WNT3: variants seen among roughly 807,000 people sequenced by gnomAD.
WNT3 encodes Wnt family member 3, also known as proto-oncogene Wnt-3.
A neutral mutation model predicts 34.2 loss-of-function variants in WNT3; 7 were observed. The observed-to-expected ratio is 0.20, with a 90% CI of 0.12 to 0.38. The LOEUF is 0.38. WNT3 is among the 10% of genes least tolerant of loss of function. The pLI is 1.00. For synonymous variants in WNT3, 212 were observed against 211.5 expected (o/e 1.00, Z -0.02); for missense variants, 267 against 499.8 (o/e 0.53, Z 4.44).
chr17:46,808,084 G>GA (rs1428315551), intron 1 of WNT3, among the ~76,000 whole-genome samples: 1 of 152,200 alleles, frequency 6.6e-6, no homozygotes, highest in African/African-American at 2.4e-5. Flanking sequence ...TAAGTAGAAG[G>GA]AAAGAGCTTA....
intron 1 of WNT3, among the ~76,000 whole-genome samples, chr17:46,812,304 T>C (rs2084286741): frequency 6.6e-6 from 1 of 152,134 alleles, no homozygotes; most frequent in Non-Finnish European, 1.5e-5. Context: ...GTCTGGCCCC[T>C]GCTGCCTCCC....
chr17:46,775,909 G>A (rs930859338), intron 1 of WNT3, among the ~76,000 whole-genome samples: 4 of 152,140 alleles, frequency 2.6e-5, no homozygotes, highest in African/African-American at 4.8e-5. Flanking sequence ...CACCACGCCC[G>A]GCCCAGAAGT....
At chr17:46,766,603 C>T (rs912244706) in intron 4 of WNT3, among the ~76,000 whole-genome samples, 1 of 152,074 alleles carries the variant, frequency 6.6e-6, no homozygotes. Flanking sequence ...TGGACTGTCC[C>T]CACCAGGACA....
chr17:46,786,418 A>T (rs1268768280), intron 1 of WNT3, among the ~76,000 whole-genome samples: 2 of 152,212 alleles, frequency 1.3e-5, no homozygotes, highest in African/African-American at 2.4e-5. Context: ...CAGGGGATTC[A>T]CAGGGAAGGG....
chr17:46,799,926 C>T (rs925459084), intron 1 of WNT3, among the ~76,000 whole-genome samples: 2 of 152,146 alleles, frequency 1.3e-5, no homozygotes, highest in African/African-American at 4.8e-5. Context: ...GTCACAGAGC[C>T]TACCCTCTTT....
chr17:46,809,481 C>G (rs1224598352), intron 1 of WNT3, among the ~76,000 whole-genome samples: 1 of 152,206 alleles, frequency 6.6e-6, no homozygotes, highest in African/African-American at 2.4e-5. Flanking sequence ...CCAACACACA[C>G]GTACACACAC....
At chr17:46,788,006 A>G (rs2059526556) in intron 1 of WNT3, among the ~76,000 whole-genome samples, 1 of 150,934 alleles carries the variant, frequency 6.6e-6, no homozygotes, top group African/African-American at 2.4e-5. Context: ...CAGTGACCCC[A>G]CCTCAGTGCA....
chr17:46,798,588 T>C (rs2084083422), intron 1 of WNT3, among the ~76,000 whole-genome samples: 1 of 152,202 alleles, frequency 6.6e-6, no homozygotes, highest in Non-Finnish European at 1.5e-5. Flanking sequence ...AAAGGTTGGA[T>C]GCACACAGTG....
intron 1 of WNT3, among the ~76,000 whole-genome samples, chr17:46,810,004 C>CTTTTT (rs11292601): frequency 4.2e-4 from 53 of 126,344 alleles, no homozygotes; most frequent in Non-Finnish European, 6.1e-4. Context: ...TTCTTTCTTT[C>CTTTTT]TTTTTTTTTT....
chr17:46,772,586 A>G (rs1346075366), intron 2 of WNT3, among the ~76,000 whole-genome samples: 2 of 152,264 alleles, frequency 1.3e-5, no homozygotes, highest in East Asian at 3.8e-4. Flanking sequence ...TTTTATGTCA[A>G]CAAGGAATAA....
intron 1 of WNT3, among the ~76,000 whole-genome samples, chr17:46,818,187 C>A (rs1434713418): frequency 6.6e-6 from 1 of 151,998 alleles, no homozygotes; most frequent in African/African-American, 2.4e-5. Flanking sequence ...TTCCAGAAAC[C>A]CAACTGCAAG....
chr17:46,804,053 TCTC>T (rs2084161023), intron 1 of WNT3, among the ~76,000 whole-genome samples: 2 of 151,964 alleles, frequency 1.3e-5, no homozygotes, highest in African/African-American at 4.8e-5. Flanking sequence ...ATATTTGTCT[TCTC>T]CTTGACCTTG....
chr17:46,794,137 CA>C (rs2146429732), intron 1 of WNT3, among the ~76,000 whole-genome samples: 1 of 151,348 alleles, frequency 6.6e-6, no homozygotes, highest in Non-Finnish European at 1.5e-5. Context: ...TGGGGGAGAG[CA>C]AGTGAAGGAG....
chr17:46,816,475 G>GCACACA lies in WNT3; in HGVS notation c.80+2037_80+2042dup, dbSNP rs113581876. 6.7e-3 allele frequency among the ~76,000 whole-genome samples: 967 copies of GCACACA among 144,320 alleles called. 8 individuals carry two copies. The highest frequency in any genetic ancestry group is 0.018 in the East Asian group (84 of 4,666). The allele number at this position is 144,320 out of a possible 152,430, so 94.7% of individuals were successfully genotyped here. A position where few individuals can be genotyped will look rare whatever the true frequency, so the allele number is the denominator to read the frequency against. On this transcript the variant is annotated intron_variant, in intron 1 of 4. Transcript: ENST00000225512. Reference sequence around the variant, plus strand: ...TTAGGGTCATAGACCCAGAACACACGCACACACACACACACACACACACAC... The same window carrying GCACACA: ...TTAGGGTCATAGACCCAGAACACACGCACACACACACACACACACACACACACACAC...
chr17:46,782,397 G>C (rs1335543622), intron 1 of WNT3, among the ~76,000 whole-genome samples: 1 of 152,152 alleles, frequency 6.6e-6, no homozygotes, highest in African/African-American at 2.4e-5. Flanking sequence ...CCCACAACAG[G>C]CCAGGGCCAG....
intron 1 of WNT3, among the ~76,000 whole-genome samples, chr17:46,809,256 G>A (rs1265913237): frequency 1.3e-5 from 2 of 152,212 alleles, no homozygotes; most frequent in Non-Finnish European, 2.9e-5. Flanking sequence ...TCCACCTTGT[G>A]AAGATGATTG....
chr17:46,769,328 A>G (rs1047574567), intron 3 of WNT3, among the ~76,000 whole-genome samples: 38 of 152,116 alleles, frequency 2.5e-4, no homozygotes, highest in Non-Finnish European at 4.0e-4. Context: ...AAAAAAAAAA[A>G]AAAAGAAAAG....
At chr17:46,801,794 T>G (rs576649684) in intron 1 of WNT3, among the ~76,000 whole-genome samples, 10 of 152,260 alleles carry the variant, frequency 6.6e-5, no homozygotes, top group African/African-American at 2.4e-4. Context: ...AGTGCCACTG[T>G]GGGTCTGCCA....
At chr17:46,769,137 C>G (rs953314922) in intron 3 of WNT3, among the ~76,000 whole-genome samples, 3 of 151,836 alleles carry the variant, frequency 2.0e-5, no homozygotes, top group Non-Finnish European at 4.4e-5. Context: ...GCCAACATGG[C>G]GAAACCCCGT....
Sources: gnomAD v4.1 joint callset for allele counts (sites outside exome capture counted in the v4.1 genomes callset) on GRCh38, gnomAD v4.1.1 for gene constraint, MANE v1.5 for transcripts, NCBI Gene and HGNC (gene_info 2026-07-23, HGNC 2026-07-21) for gene names.